The following CPLX1 variants were observed in gnomAD, a reference collection of about 807,000 sequenced individuals.
The protein encoded by CPLX1 is complexin-1.
Under a neutral mutation model 15.6 loss-of-function variants are expected in CPLX1, and 6 were observed. That is an observed-to-expected ratio of 0.39 (90% CI 0.21 to 0.76). CPLX1 has a LOEUF of 0.76. Among genes scored for constraint, CPLX1 ranks in the 30% least tolerant of loss-of-function variants. The pLI is 0.43. For synonymous variants in CPLX1, 91 were observed against 75.2 expected, an observed-to-expected ratio of 1.21 and a Z score of -1.08; for missense variants, 242 against 188.6, an observed-to-expected ratio of 1.28 and a Z score of -1.66.
At chr4:811,479 T>G (rs1001085875) in intron 2 of CPLX1, among the ~76,000 whole-genome samples, 7 of 152,214 alleles carry the variant, frequency 4.6e-5, no homozygotes, top group Non-Finnish European at 8.8e-5. Context: ...CCTTGGCTCG[T>G]GGGCTATTTA....
chr4:795,646 G>T (rs1412695305), intron 2 of CPLX1, among the ~76,000 whole-genome samples: 2 of 152,176 alleles, frequency 1.3e-5, no homozygotes, highest in Non-Finnish European at 2.9e-5. Flanking sequence ...AGGTGGAGGC[G>T]GTGGGGGGGC....
chr4:804,787 C>G, intron 2 of CPLX1: 2 of 985,396 alleles, frequency 2.0e-6, no homozygotes, highest in Non-Finnish European at 2.4e-6. Flanking sequence ...CCTGCAGAGT[C>G]CCAGAGACGG....
intron 3 of CPLX1, among the ~76,000 whole-genome samples, chr4:789,552 T>G (rs1425052524): frequency 6.6e-6 from 1 of 152,088 alleles, no homozygotes; most frequent in Non-Finnish European, 1.5e-5. Context: ...TAGTGGGCCC[T>G]CAGAAGGCCC....
At chr4:814,544 G>A (rs1419021524) in intron 2 of CPLX1, among the ~76,000 whole-genome samples, 2 of 152,116 alleles carry the variant, frequency 1.3e-5, no homozygotes, top group South Asian at 2.1e-4. Flanking sequence ...TGCCTCATGC[G>A]ACCCGGAGAT....
At chr4:823,161 A>C (rs1254518632) in intron 2 of CPLX1, among the ~76,000 whole-genome samples, 2 of 151,924 alleles carry the variant, frequency 1.3e-5, no homozygotes, top group Admixed American at 6.6e-5. Flanking sequence ...ACAGCCTGGG[A>C]CTCCCTGGGT....
At chr4:787,430 G>A in intron 3 of CPLX1, 2 of 961,004 alleles carry the variant, frequency 2.1e-6, no homozygotes, top group Non-Finnish European at 2.5e-6. Context: ...AGCTTCAAAG[G>A]TGATCTCATT....
At chr4:795,245 A>G (rs1746297278) in intron 2 of CPLX1, among the ~76,000 whole-genome samples, 1 of 152,268 alleles carries the variant, frequency 6.6e-6, no homozygotes, top group Non-Finnish European at 1.5e-5. Context: ...TTCCTGGCAC[A>G]GAAACCCAAA....
chr4:789,618 G>A (rs1295510806), intron 3 of CPLX1, among the ~76,000 whole-genome samples: 1 of 152,194 alleles, frequency 6.6e-6, no homozygotes, highest in Non-Finnish European at 1.5e-5. Context: ...AGCTTATGCA[G>A]GACAAGGGCG....
In CPLX1 at chr4:787,620, C is replaced by T. The variant is rs115906472; in HGVS notation, c.208-922G>A. 8.4e-4 allele frequency: 783 copies of T among 935,058 alleles called. 2 individuals carry two copies. In the African/African-American group the frequency reaches 0.013, roughly 16 times the overall value. 57.9% of individuals were successfully genotyped at this position (935,058 alleles called of 1,614,324 possible). A position where few individuals can be genotyped will look rare whatever the true frequency, so the allele number is the denominator to read the frequency against. On this transcript the variant is annotated intron_variant, in intron 3 of 3. Transcript: ENST00000304062. ...GAGTGGTCAAGAAACACCAGGGATT[C>T]GGGGCCGCCAGACGCAGGAAGGGGC...
intron 2 of CPLX1, among the ~76,000 whole-genome samples, chr4:812,224 G>A (rs1746677280): frequency 6.6e-6 from 1 of 151,946 alleles, no homozygotes; most frequent in Non-Finnish European, 1.5e-5. Flanking sequence ...ACAGGCGCCC[G>A]CCACCACGCC....
At chr4:818,292 C>T (rs949367166) in intron 2 of CPLX1, among the ~76,000 whole-genome samples, 2 of 152,222 alleles carry the variant, frequency 1.3e-5, no homozygotes, top group African/African-American at 4.8e-5. Context: ...CACCCAGGGG[C>T]CCTGGGCCTG....
At chr4:799,745 C>T (rs918235494) in intron 2 of CPLX1, among the ~76,000 whole-genome samples, 1 of 152,168 alleles carries the variant, frequency 6.6e-6, no homozygotes, top group Non-Finnish European at 1.5e-5. Context: ...TGCCTGTAAT[C>T]CCAGCTACTC....
chr4:810,055 T>A (rs1231901809), intron 2 of CPLX1, among the ~76,000 whole-genome samples: 1 of 148,006 alleles, frequency 6.8e-6, no homozygotes, highest in Non-Finnish European at 1.5e-5. Flanking sequence ...TTCTTTTTTT[T>A]TTTTTTTTTT....
chr4:803,614 T>C, intron 2 of CPLX1, among the ~76,000 whole-genome samples: 1 of 151,446 alleles, frequency 6.6e-6, no homozygotes. Context: ...CTCGATCTCC[T>C]GACCTCGTGA....
At chr4:810,488 A>T (rs1746647747) in intron 2 of CPLX1, among the ~76,000 whole-genome samples, 1 of 152,166 alleles carries the variant, frequency 6.6e-6, no homozygotes, top group Non-Finnish European at 1.5e-5. Flanking sequence ...CTCCCACTGG[A>T]GAGCATGAGG....
In CPLX1 at chr4:786,409, G is replaced by C. The variant is rs1745989472; in HGVS notation, c.*92C>G. 7.2e-7 allele frequency: 1 copy of C among 1,379,696 alleles called. No homozygotes were observed. The highest frequency in any genetic ancestry group is 9.6e-7 in the Non-Finnish European group (1 of 1,038,474). 85.5% of individuals were successfully genotyped at this position (1,379,696 alleles called of 1,614,324 possible). On this transcript the variant is annotated 3_prime_UTR_variant, in exon 4 of 4. Coordinates refer to ENST00000304062, the MANE Select transcript of CPLX1 (RefSeq NM_006651.4). ...TGGGGCTATGGCTTATATCGGCGTGGGGGCTGCGCTCTGCTCGTCCCTCAG... is the reference window on the plus strand; with the variant it reads ...TGGGGCTATGGCTTATATCGGCGTGCGGGCTGCGCTCTGCTCGTCCCTCAG...
chr4:805,498 T>C (rs1246379388), intron 2 of CPLX1, among the ~76,000 whole-genome samples: 1 of 152,216 alleles, frequency 6.6e-6, no homozygotes, highest in Non-Finnish European at 1.5e-5. Flanking sequence ...CTGTGCCTTG[T>C]TGTTGGGAAT....
intron 2 of CPLX1, 147 bp downstream of exon 2, chr4:824,345 T>C (rs914694713): frequency 4.1e-5 from 30 of 735,838 alleles, no homozygotes; most frequent in Non-Finnish European, 4.9e-5. Flanking sequence ...CGGTCCTTGC[T>C]CCTCTGCCCC....
chr4:789,098 G>T (rs893462983), intron 3 of CPLX1, among the ~76,000 whole-genome samples: 4 of 152,216 alleles, frequency 2.6e-5, no homozygotes, highest in Non-Finnish European at 5.9e-5. Flanking sequence ...TCATTCTGAG[G>T]CTGAGGTCAC....
Sources: gnomAD v4.1 joint callset for allele counts (sites outside exome capture counted in the v4.1 genomes callset) on GRCh38, gnomAD v4.1.1 for gene constraint, MANE v1.5 for transcripts, NCBI Gene and HGNC (gene_info 2026-07-23, HGNC 2026-07-21) for gene names.